UNC45A: variants seen among roughly 807,000 people sequenced by gnomAD.
UNC45A encodes the protein unc-45 myosin chaperone A.
A neutral mutation model predicts 103.2 loss-of-function variants in UNC45A; 78 were observed. The observed-to-expected ratio is 0.76, with a 90% CI of 0.63 to 0.91. The LOEUF (loss-of-function observed/expected upper bound fraction) is 0.91. Ranked by LOEUF, UNC45A falls within the 40% of genes least tolerant of loss-of-function variation. The pLI, the probability that UNC45A is intolerant of heterozygous loss-of-function variation, is 0.00. For synonymous variants in UNC45A, 495 were observed against 504.6 expected (o/e 0.98, Z 0.25); for missense variants, 1,193 against 1,224.8 (o/e 0.97, Z 0.39).
chr15:90,948,456 C>A, intron 12 of UNC45A, 173 bp downstream of exon 12: 1 of 1,264,720 alleles, frequency 7.9e-7, no homozygotes. Context: ...GTGGTGTTAG[C>A]AAGGACGTTC....
intron 15 of UNC45A, 51 bp from the exon 16 acceptor site, chr15:90,950,103 G>A (rs567745493): frequency 7.9e-6 from 12 of 1,523,350 alleles, no homozygotes; most frequent in African/African-American, 5.5e-5. Flanking sequence ...CCCGATGGTC[G>A]GGGTCTTACT....
rs1199691198 is a variant in UNC45A, at chr15:90,942,581, G to A, written c.832G>A (p.Gly278Ser). 4 of 1,614,176 alleles carry A rather than the reference G, an allele frequency of 2.5e-6. No individual in the cohort carries two copies. The Admixed American group carries it at 6.7e-5, about 27-fold the overall frequency. The change falls in exon 7 of 20, where the codon GGC (glycine) becomes AGC (serine). Residue 278 changes from glycine to serine, a missense_variant. Coordinates refer to ENST00000418476, the MANE Select transcript of UNC45A (RefSeq NM_018671.5). ...LKEGVKKGFR[G>S]KEGAIIVDPA... ...GGAAGGTGTCAAAAAAGGCTTCCGA[G>A]GCAAAGAAGGTGCCATCATTGTGGG...
At chr15:90,945,447 C>T (rs570661005) in intron 9 of UNC45A, among the ~76,000 whole-genome samples, 14 of 152,000 alleles carry the variant, frequency 9.2e-5, no homozygotes, top group South Asian at 8.3e-4. Flanking sequence ...CCACAACCTT[C>T]GCCTCTAGGG....
At chr15:90,934,915 G>C, upstream of UNC45A, 1 of 438,120 alleles carries the variant, frequency 2.3e-6, no homozygotes, top group Non-Finnish European at 4.0e-6. Context: ...GGTCGGGGCC[G>C]GGATCCAGAT....
At position 90,942,490 on chromosome 15, in the gene UNC45A, CGTGGAAAGCCAGGCT is replaced by C. The variant is rs2036343635; in HGVS notation, c.745_759del (p.Glu249_Val253del). 1 of 1,613,998 alleles carries C rather than the reference CGTGGAAAGCCAGGCT, an allele frequency of 6.2e-7. No homozygotes were observed. Among genetic ancestry groups the C allele is most frequent in the Non-Finnish European group, 8.5e-7 (1 of 1,180,002 alleles). The stretch of plus-strand genomic sequence containing the variant: ...CTCGGCGAGTAGTCTCCATCCTGGG[CGTGGAAAGCCAGGCT>C]GTGTCCCTGGCTGCCTGCCACCTGC... On this transcript the variant is annotated inframe_deletion, in exon 7 of 20. Coordinates refer to ENST00000418476, the MANE Select transcript of UNC45A (RefSeq NM_018671.5).
intron 4 of UNC45A, among the ~76,000 whole-genome samples, chr15:90,939,284 A>G (rs574364949): frequency 2.0e-5 from 3 of 152,292 alleles, no homozygotes; most frequent in Middle Eastern, 3.4e-3. Context: ...CCCAGCTCAG[A>G]TTATTTTTAA....
In UNC45A at chr15:90,942,956, C is replaced by T; in HGVS notation, c.901C>T (p.Leu301=). 2 of 1,614,010 alleles carry T rather than the reference C, an allele frequency of 1.2e-6. No individual in the cohort carries two copies. Among genetic ancestry groups the T allele is most frequent in the African/African-American group, 1.3e-5 (1 of 75,056 alleles). ...LKVLISNLLD[L]LTEVGVSGQG... ...GGTCCTCATCAGTAACCTCTTAGATCTGCTGACAGAGGTGGGGGTCTCTGG... is the reference window on the plus strand; with the variant it reads ...GGTCCTCATCAGTAACCTCTTAGATTTGCTGACAGAGGTGGGGGTCTCTGG... Residue 301 remains leucine, a synonymous_variant, in exon 8 of 20, where the codon CTG becomes TTG. Coordinates refer to ENST00000418476, the MANE Select transcript of UNC45A (RefSeq NM_018671.5).
rs1267798931 is a variant in UNC45A at position 90,935,715 on chromosome 15, C to A, written c.213+10C>A. ...CTGCCACCTCAAGCTGGTGAGGGAG[C>A]CTGGCGCTCTTCCCCTCGCCCGCCC... On this transcript the variant is annotated intron_variant, in intron 2 of 19. Coordinates refer to ENST00000418476, the MANE Select transcript of UNC45A (RefSeq NM_018671.5). 6 of 1,548,762 alleles carry A rather than the reference C, an allele frequency of 3.9e-6. No homozygotes were observed. The highest frequency in any genetic ancestry group is 1.4e-5 in the African/African-American group (1 of 72,822).
chr15:90,939,901 C>T lies in UNC45A; in HGVS notation c.519+78C>T, dbSNP rs1022463657. The T allele has an allele frequency of 3.7e-6, 5 of 1,354,010 alleles. No homozygotes were observed. The African/African-American group carries it at 7.3e-5, about 20-fold the overall frequency. The allele number at this position is 1,354,010 out of a possible 1,614,324, so 83.9% of individuals were successfully genotyped here. ...CATAGGCCCCCGAAGCCACTGCTGC[C>T]TTGCTCTGCCGCTCCTCCAATCGTG... On this transcript the variant is annotated intron_variant, in intron 5 of 19. Transcript: ENST00000418476.
At chr15:90,951,944 C>T (rs541084337) in intron 17 of UNC45A, among the ~76,000 whole-genome samples, 2 of 152,228 alleles carry the variant, frequency 1.3e-5, no homozygotes, top group African/African-American at 4.8e-5. Context: ...AAACAAAAAC[C>T]CTCAAATGTT....
intron 6 of UNC45A, 100 bp from the exon 7 acceptor site, chr15:90,942,337 T>A (rs2151361797): frequency 2.8e-6 from 4 of 1,410,238 alleles, no homozygotes; most frequent in Non-Finnish European, 3.8e-6. Context: ...TTCCACCCAA[T>A]TCTCTCCTTC....
Position 90,948,270 on chromosome 15 carries a change from TC to T in UNC45A, c.1726del (p.Gln576SerfsTer19), listed in dbSNP as rs1333069905. The T allele has an allele frequency of 6.2e-7, 1 of 1,613,740 alleles. No homozygotes were observed. The highest frequency in any genetic ancestry group is 2.2e-5 in the East Asian group (1 of 44,892). ...VEDAAALKALFQLSRLEERSV... is the reference protein window; with the variant it reads ...VEDAAALKALXQLSRLEERSV... ...GATGCGGCTGCTCTGAAAGCTCTGT[TC>T]CAGCTCAGCAGGGTAGCTCTGTGGT... On this transcript the variant is annotated frameshift_variant, in exon 12 of 20. Transcript: ENST00000418476. LOFTEE classifies it high-confidence loss of function.
In UNC45A at chr15:90,953,655, C is replaced by T; in HGVS notation, c.2774C>T (p.Ala925Val). 3 of 1,614,142 alleles carry T rather than the reference C, an allele frequency of 1.9e-6. No individual in the cohort carries two copies. The highest frequency in any genetic ancestry group is 2.5e-6 in the Non-Finnish European group (3 of 1,180,030). Residue 925 changes from alanine to valine, a missense_variant, in exon 20 of 20, where the codon GCA becomes GTA. By Grantham distance (64) the Ala-to-Val change is moderately conservative. Coordinates refer to ENST00000418476, the MANE Select transcript of UNC45A (RefSeq NM_018671.5). ...GDHSPVTRAA[A>V]ACLDKAVEYG... The stretch of plus-strand genomic sequence containing the variant: ...CACAGCCCTGTCACAAGGGCTGCTG[C>T]AGCCTGCCTGGACAAAGCAGTGGAA...
At position 90,942,898 on chromosome 15, in the gene UNC45A, CTTG is replaced by C. The variant is rs1348672061; in HGVS notation, c.857-7_857-5del. The C allele has an allele frequency of 3.8e-6, 6 of 1,595,462 alleles. No individual in the cohort carries two copies. Among genetic ancestry groups the C allele is most frequent in the African/African-American group, 1.3e-5 (1 of 74,428 alleles). On this transcript the variant is annotated splice_polypyrimidine_tract_variant and intron_variant, in intron 7 of 19. Transcript: ENST00000418476. ...CTGCTGTGGAGCCCACTGATGTCTT[CTTG>C]TTGTTGCCAGATCCTGCCCGGGAGC...
intron 8 of UNC45A, among the ~76,000 whole-genome samples, chr15:90,944,677 T>C (rs934781723): frequency 2.0e-4 from 31 of 152,258 alleles, no homozygotes; most frequent in African/African-American, 6.8e-4. Context: ...AGGGCTGGCA[T>C]GCAGGCCTCA....
At position 90,942,528 on chromosome 15, in the gene UNC45A, T is replaced by TG; in HGVS notation, c.780dup (p.Leu261AlafsTer6). The TG allele has an allele frequency of 6.2e-7, 1 of 1,614,214 alleles. No homozygotes were observed. The highest frequency in any genetic ancestry group is 1.6e-4 in the Middle Eastern group (1 of 6,062). On this transcript the variant is annotated frameshift_variant, in exon 7 of 20. Coordinates refer to ENST00000418476, the MANE Select transcript of UNC45A (RefSeq NM_018671.5). LOFTEE classifies it high-confidence loss of function. ...GCTGTGTCCCTGGCTGCCTGCCACCTGCTGCAGGTTATGTTTGATGCCCTC... is the reference window on the plus strand; with the variant it reads ...GCTGTGTCCCTGGCTGCCTGCCACCTGGCTGCAGGTTATGTTTGATGCCCTC...
chr15:90,932,070 G>A (rs1390624312), upstream of UNC45A: 1 of 1,611,806 alleles, frequency 6.2e-7, no homozygotes, highest in South Asian at 1.1e-5. Flanking sequence ...ACACCACAAT[G>A]TCAGTGATTC....
chr15:90,940,375 G>GTTCA lies in UNC45A; in HGVS notation c.590_593dup (p.Gln198HisfsTer14). The GTTCA allele has an allele frequency of 6.2e-7, 1 of 1,614,194 alleles. No homozygotes were observed. The highest frequency in any genetic ancestry group is 8.5e-7 in the Non-Finnish European group (1 of 1,180,032). The stretch of plus-strand genomic sequence containing the variant: ...GGAGAAGATCTTCCGGAGTAATGGG[G>GTTCA]TTCAGCTCTTGCAACGTTTACTGGA... On this transcript the variant is annotated frameshift_variant, in exon 6 of 20. Coordinates refer to ENST00000418476, the MANE Select transcript of UNC45A (RefSeq NM_018671.5). LOFTEE classifies it high-confidence loss of function.
In UNC45A at chr15:90,953,502, C is replaced by G. The variant is rs879026989; in HGVS notation, c.2621C>G (p.Ser874Cys). The change falls in exon 20 of 20, where the codon TCC becomes TGC. Residue 874 changes from serine (S) to cysteine (C), a missense_variant. Ser to Cys is a moderately radical substitution (Grantham distance 112). Transcript: ENST00000418476. The part of the protein sequence containing the change: ...LEILQALLLS[S>C]NQELQHRGAV... ...ATCCTGCAGGCCCTGCTTCTGAGCT[C>G]CAACCAGGAGCTGCAGCACCGGGGT... The G allele has an allele frequency of 6.2e-7, 1 of 1,613,944 alleles. No homozygotes were observed. The highest frequency in any genetic ancestry group is 1.3e-5 in the African/African-American group (1 of 74,926).
Sources: allele counts gnomAD v4.1 joint callset (sites outside exome capture counted in the v4.1 genomes callset), GRCh38; gene constraint gnomAD v4.1.1; transcripts MANE v1.5; gene names NCBI Gene and HGNC (gene_info 2026-07-23, HGNC 2026-07-21).